Variants in KCND2 observed in about 807,000 individuals in gnomAD.
KCND2 encodes the protein A-type voltage-gated potassium channel KCND2.
A neutral mutation model predicts 54.4 loss-of-function variants in KCND2; 16 were observed. The observed-to-expected ratio is 0.29, with a 90% CI of 0.20 to 0.45. The LOEUF (loss-of-function observed/expected upper bound fraction) is 0.45. Among genes scored for constraint, KCND2 ranks in the 20% least tolerant of loss-of-function variants. KCND2 has a pLI of 1.00. For synonymous variants in KCND2, 317 were observed against 310.7 expected, an observed-to-expected ratio of 1.02 and a Z score of -0.21; for missense variants, 486 against 824.2, an observed-to-expected ratio of 0.59 and a Z score of 5.02.
rs144541929 is a variant in KCND2 at position 120,690,334 on chromosome 7, C to T, written c.1116-42569C>T. The stretch of plus-strand genomic sequence containing the variant: ...CATACACAAAAATATAGTTCTATTA[C>T]TTTTTATGTAATACTTCTTATAAAG... On this transcript the variant is annotated intron_variant, in intron 1 of 5. Coordinates refer to ENST00000331113, the MANE Select transcript of KCND2 (RefSeq NM_012281.3). Among the ~76,000 whole-genome samples, 667 of 152,148 alleles carry T rather than the reference C, an allele frequency of 4.4e-3. 5 individuals carry two copies. The highest frequency in any genetic ancestry group is 0.015 in the African/African-American group (640 of 41,516).
At chr7:120,677,993 A>T (rs756175082) in intron 1 of KCND2, among the ~76,000 whole-genome samples, 9 of 152,028 alleles carry the variant, frequency 5.9e-5, no homozygotes, top group Non-Finnish European at 1.3e-4. Context: ...TTTATTGAGA[A>T]CATAATCATT....
At chr7:120,526,439 A>C (rs1192190833) in intron 1 of KCND2, among the ~76,000 whole-genome samples, 1 of 152,150 alleles carries the variant, frequency 6.6e-6, no homozygotes, top group Non-Finnish European at 1.5e-5. Context: ...TTTATCTTAT[A>C]ATGACCTACT....
chr7:120,638,971 CCA>C (rs1793339441), intron 1 of KCND2, among the ~76,000 whole-genome samples: 1 of 152,084 alleles, frequency 6.6e-6, no homozygotes, highest in Non-Finnish European at 1.5e-5. Context: ...TATCACTTTA[CCA>C]AATTCCTCTT....
chr7:120,483,692 G>A (rs1319864004), intron 1 of KCND2, among the ~76,000 whole-genome samples: 1 of 152,144 alleles, frequency 6.6e-6, no homozygotes, highest in Non-Finnish European at 1.5e-5. Context: ...AAAATGTTTT[G>A]GAGATGTTTA....
At chr7:120,429,908 A>G (rs1801766063) in intron 1 of KCND2, among the ~76,000 whole-genome samples, 1 of 152,200 alleles carries the variant, frequency 6.6e-6, no homozygotes, top group Non-Finnish European at 1.5e-5. Flanking sequence ...CAATATTTGG[A>G]AGATGCACAT....
chr7:120,348,455 G>A (rs1423520879), intron 1 of KCND2, among the ~76,000 whole-genome samples: 2 of 152,118 alleles, frequency 1.3e-5, no homozygotes, highest in Non-Finnish European at 2.9e-5. Flanking sequence ...TAGAACCAAG[G>A]TGGGCACATG....
intron 1 of KCND2, among the ~76,000 whole-genome samples, chr7:120,602,277 G>A (rs1003969636): frequency 3.9e-5 from 6 of 152,134 alleles, no homozygotes; most frequent in Non-Finnish European, 7.4e-5. Context: ...AGAGTGTGGC[G>A]AAATTCATGG....
At chr7:120,498,962 G>A (rs1042602782) in intron 1 of KCND2, among the ~76,000 whole-genome samples, 1 of 152,072 alleles carries the variant, frequency 6.6e-6, no homozygotes, top group Admixed American at 6.6e-5. Context: ...ATCACTTGAA[G>A]ATATAAGTAA....
intron 1 of KCND2, among the ~76,000 whole-genome samples, chr7:120,579,177 G>T (rs1313311340): frequency 6.6e-6 from 1 of 151,470 alleles, no homozygotes; most frequent in African/African-American, 2.4e-5. Context: ...AGATAAAATT[G>T]GGCAATTTTC....
intron 1 of KCND2, among the ~76,000 whole-genome samples, chr7:120,415,486 C>A (rs1418687502): frequency 6.9e-6 from 1 of 145,910 alleles, no homozygotes; most frequent in Non-Finnish European, 1.5e-5. Flanking sequence ...CCACAACTTC[C>A]TTCTTGCAAC....
At chr7:120,690,151 T>G (rs1792251343) in intron 1 of KCND2, among the ~76,000 whole-genome samples, 1 of 152,204 alleles carries the variant, frequency 6.6e-6, no homozygotes, top group African/African-American at 2.4e-5. Context: ...TGTTATTTAT[T>G]GGTTAAATGA....
chr7:120,558,999 G>GTA (rs1792199468), intron 1 of KCND2, among the ~76,000 whole-genome samples: 1 of 151,498 alleles, frequency 6.6e-6, no homozygotes, highest in African/African-American at 2.4e-5. Flanking sequence ...AGTACTGTGT[G>GTA]TGTGTGTGTG....
At chr7:120,511,397 G>A (rs1003046470) in intron 1 of KCND2, among the ~76,000 whole-genome samples, 1 of 152,066 alleles carries the variant, frequency 6.6e-6, no homozygotes, top group East Asian at 1.9e-4. Context: ...TGAGGACAGA[G>A]ACTGGTTTTG....
At position 120,513,668 on chromosome 7, in the gene KCND2, TG is replaced by T. The variant is rs555507494; in HGVS notation, c.1116-219233del. On this transcript the variant is annotated intron_variant, in intron 1 of 5. Transcript: ENST00000331113. ...TAAATAGTTACAATAGTTGAGAGTT[TG>T]GTTTGTTGATTTCGTTTTTTGTTTG... Among the ~76,000 whole-genome samples the T allele has an allele frequency of 1.8e-3, 277 of 152,258 alleles. 1 individual carries two copies. Among genetic ancestry groups the T allele is most frequent in the African/African-American group, 6.3e-3 (260 of 41,572 alleles).
At chr7:120,495,711 A>T (rs1277079472) in intron 1 of KCND2, among the ~76,000 whole-genome samples, 1 of 152,164 alleles carries the variant, frequency 6.6e-6, no homozygotes, top group Non-Finnish European at 1.5e-5. Context: ...ATTGAGAGGT[A>T]GATTACTGAA....
intron 1 of KCND2, among the ~76,000 whole-genome samples, chr7:120,649,613 TG>T (rs1452657079): frequency 6.6e-6 from 1 of 152,198 alleles, no homozygotes; most frequent in Non-Finnish European, 1.5e-5. Context: ...TGGGGTTGTT[TG>T]TTTTTTTCTT....
chr7:120,724,751 C>T (rs924073393), intron 1 of KCND2, among the ~76,000 whole-genome samples: 2 of 152,202 alleles, frequency 1.3e-5, no homozygotes, highest in Non-Finnish European at 2.9e-5. Flanking sequence ...GGTGGCTCCA[C>T]AGCTGGGAAA....
intron 1 of KCND2, among the ~76,000 whole-genome samples, chr7:120,423,795 G>C (rs1280730234): frequency 6.6e-6 from 1 of 152,146 alleles, no homozygotes; most frequent in Admixed American, 6.6e-5. Context: ...GGTACGCACT[G>C]CTGGCATTTT....
At chr7:120,743,581 G>A (rs1307311409) in intron 4 of KCND2, among the ~76,000 whole-genome samples, 1 of 152,126 alleles carries the variant, frequency 6.6e-6, no homozygotes, top group African/African-American at 2.4e-5. Flanking sequence ...GAGCCATGAG[G>A]GGACAGGTCA....
Sources: gnomAD v4.1 joint callset for allele counts (sites outside exome capture counted in the v4.1 genomes callset) on GRCh38, gnomAD v4.1.1 for gene constraint, MANE v1.5 for transcripts, NCBI Gene and HGNC (gene_info 2026-07-23, HGNC 2026-07-21) for gene names.